Variants in NAA16 observed in about 807,000 individuals in gnomAD.
NAA16 encodes the protein N-alpha-acetyltransferase 16, NatA auxiliary subunit.
NAA16 carries 97 observed loss-of-function variants against 110.3 expected under a neutral mutation model. That is an observed-to-expected ratio of 0.88 (90% confidence interval 0.75 to 1.04). The LOEUF is 1.04. Among genes scored for constraint, NAA16 ranks in the 50% least tolerant of loss-of-function variants. The pLI, the probability that NAA16 is intolerant of heterozygous loss-of-function variation, is 0.00. For synonymous variants in NAA16, 372 were observed against 330.6 expected, an observed-to-expected ratio of 1.13 and a Z score of -1.36; for missense variants, 1,017 against 1,005.1, an observed-to-expected ratio of 1.01 and a Z score of -0.16.
At chr13:41,343,861 G>A (rs2042617026) in intron 9 of NAA16, among the ~76,000 whole-genome samples, 2 of 152,040 alleles carry the variant, frequency 1.3e-5, no homozygotes, top group Admixed American at 6.6e-5. Flanking sequence ...TTTTATAGAG[G>A]TGGGGTCTCA....
chr13:41,312,112 G>T (rs1593381955), intron 1 of NAA16, among the ~76,000 whole-genome samples: 1 of 152,214 alleles, frequency 6.6e-6, no homozygotes, highest in East Asian at 1.9e-4. Context: ...ACTTTAGGAA[G>T]CCAGGCCTGG....
intron 8 of NAA16, among the ~76,000 whole-genome samples, chr13:41,335,388 G>A (rs1333682874): frequency 6.6e-6 from 1 of 152,102 alleles, no homozygotes; most frequent in Non-Finnish European, 1.5e-5. Context: ...TTTGCCCAAG[G>A]TTGCACACAA....
chr13:41,337,414 G>A (rs1271224829), intron 9 of NAA16, among the ~76,000 whole-genome samples: 3 of 151,876 alleles, frequency 2.0e-5, no homozygotes, highest in African/African-American at 4.8e-5. Context: ...GTGGTGGTGG[G>A]CGCCTGTAGT....
chr13:41,342,201 G>A (rs1329881777), intron 9 of NAA16, among the ~76,000 whole-genome samples: 9 of 147,270 alleles, frequency 6.1e-5, no homozygotes, highest in African/African-American at 1.8e-4. Context: ...GCAGTGGCAC[G>A]CTCTCGGCTC....
intron 13 of NAA16, among the ~76,000 whole-genome samples, chr13:41,365,529 T>TA (rs2043191712): frequency 1.3e-5 from 2 of 152,214 alleles, no homozygotes; most frequent in South Asian, 4.1e-4. Flanking sequence ...AAGCAAATAT[T>TA]ACAATCAGCT....
intron 9 of NAA16, among the ~76,000 whole-genome samples, chr13:41,350,945 G>T (rs896434090): frequency 6.6e-6 from 1 of 152,036 alleles, no homozygotes; most frequent in African/African-American, 2.4e-5. Flanking sequence ...ATGTTTGAAG[G>T]CTCTAAGAAG....
At chr13:41,315,019 G>T (rs563405922) in intron 1 of NAA16, among the ~76,000 whole-genome samples, 1 of 152,198 alleles carries the variant, frequency 6.6e-6, no homozygotes, top group South Asian at 2.1e-4. Context: ...AGATAGGTGA[G>T]ATCATTGTTC....
intron 12 of NAA16, among the ~76,000 whole-genome samples, chr13:41,360,641 C>T (rs1416039947): frequency 6.6e-6 from 1 of 152,160 alleles, no homozygotes; most frequent in Non-Finnish European, 1.5e-5. Context: ...TTTATGCACA[C>T]TAGTTTGTTG....
At chr13:41,323,312 G>A (rs370849592) in intron 5 of NAA16, 122 bp downstream of exon 5, 11 of 938,918 alleles carry the variant, frequency 1.2e-5, no homozygotes, top group South Asian at 4.9e-5. Flanking sequence ...ACTTTTTGAC[G>A]TAATTGGAAA....
chr13:41,356,392 A>G (rs1215440097), intron 10 of NAA16, among the ~76,000 whole-genome samples: 1 of 150,374 alleles, frequency 6.7e-6, no homozygotes, highest in East Asian at 2.0e-4. Context: ...GTGCATCTCT[A>G]TTTAAAACAC....
rs570658761 is a variant in NAA16, at chr13:41,356,721, C to T, written c.1087+1505C>T. On this transcript the variant is annotated intron_variant, in intron 10 of 19. Coordinates refer to ENST00000379406, the MANE Select transcript of NAA16 (RefSeq NM_024561.5). ...TTTTAATCTAGAACAATAACTCTCC[C>T]CTCCCTTTCAAAAAAACAGTCATTT... 2.6e-5 allele frequency among the ~76,000 whole-genome samples: 4 copies of T among 152,246 alleles called. No homozygotes were observed. The Middle Eastern group carries it at 0.01, about 391-fold the overall frequency.
chr13:41,326,589 T>C (rs1393225484), intron 6 of NAA16, among the ~76,000 whole-genome samples: 2 of 152,196 alleles, frequency 1.3e-5, no homozygotes, highest in Non-Finnish European at 2.9e-5. Flanking sequence ...AACCCCATTT[T>C]ATAGTGGAAG....
In NAA16 at chr13:41,325,856, G is replaced by A; in HGVS notation, c.691+5G>A. On this transcript the variant is annotated splice_donor_5th_base_variant and intron_variant, in intron 6 of 19. Coordinates refer to ENST00000379406, the MANE Select transcript of NAA16 (RefSeq NM_024561.5). The stretch of plus-strand genomic sequence containing the variant: ...TTTTGGTGGAAGAAATTAAAGGTAA[G>A]TTGGCTTGCCTTTTTTTAATAGCCT... The A allele has an allele frequency of 6.3e-7, 1 of 1,591,974 alleles. No individual in the cohort carries two copies. The highest frequency in any genetic ancestry group is 8.5e-7 in the Non-Finnish European group (1 of 1,171,518).
At chr13:41,326,428 A>G (rs1000059218) in intron 6 of NAA16, among the ~76,000 whole-genome samples, 2 of 152,222 alleles carry the variant, frequency 1.3e-5, no homozygotes, top group East Asian at 1.9e-4. Context: ...AAAGTTCCAT[A>G]CAATTGTAGA....
chr13:41,312,631 G>C (rs543083981), intron 1 of NAA16, among the ~76,000 whole-genome samples: 3 of 152,248 alleles, frequency 2.0e-5, no homozygotes, highest in Non-Finnish European at 2.9e-5. Context: ...TTGGCTATAT[G>C]GCTGTTAGTT....
rs186648763 is a variant in NAA16, at chr13:41,318,543, T to A, written c.140-263T>A. Among the ~76,000 whole-genome samples the A allele has an allele frequency of 1.1e-4, 16 of 152,316 alleles. No homozygotes were observed. In the East Asian group the frequency reaches 3.1e-3, roughly 29 times the overall value. ...TCAGCAGAATAATATCAACCACTTT[T>A]ACAGAGTCTTGTGAAGGGCAGAAAC... On this transcript the variant is annotated intron_variant, in intron 2 of 19. Coordinates refer to ENST00000379406, the MANE Select transcript of NAA16 (RefSeq NM_024561.5).
intron 8 of NAA16, among the ~76,000 whole-genome samples, chr13:41,332,730 T>C (rs1044360292): frequency 2.0e-5 from 3 of 152,182 alleles, no homozygotes; most frequent in Non-Finnish European, 2.9e-5. Context: ...GTGGCAAATA[T>C]TTGTTTAAAT....
At chr13:41,343,779 A>G (rs1215923272) in intron 9 of NAA16, among the ~76,000 whole-genome samples, 2 of 151,956 alleles carry the variant, frequency 1.3e-5, no homozygotes, top group East Asian at 3.9e-4. Flanking sequence ...GAGCTCAGGC[A>G]GTCTGCCCGC....
intron 12 of NAA16, 101 bp downstream of exon 12, chr13:41,359,063 A>T: frequency 1.0e-6 from 1 of 998,774 alleles, no homozygotes; most frequent in Non-Finnish European, 1.4e-6. Context: ...GTGGAAGTTC[A>T]TAAAAATTCA....
Sources: gnomAD v4.1 joint callset for allele counts (sites outside exome capture counted in the v4.1 genomes callset) on GRCh38, gnomAD v4.1.1 for gene constraint, MANE v1.5 for transcripts, NCBI Gene and HGNC (gene_info 2026-07-23, HGNC 2026-07-21) for gene names.